DSE: variants seen among roughly 807,000 people sequenced by gnomAD.
DSE encodes the protein dermatan-sulfate epimerase.
A neutral mutation model predicts 84.4 loss-of-function variants in DSE; 36 were observed. The observed-to-expected ratio is 0.43, with a 90% CI of 0.33 to 0.56. The LOEUF (loss-of-function observed/expected upper bound fraction) is 0.56. Ranked by LOEUF, DSE falls within the 20% of genes least tolerant of loss-of-function variation. DSE has a pLI of 0.06. For missense variants in DSE, 862 were observed against 1,169.6 expected (o/e 0.74, Z 3.84); for synonymous variants, 410 against 430.1 (o/e 0.95, Z 0.58).
chr6:116,426,935 A>G, intron 3 of DSE, 108 bp downstream of exon 3: 2 of 1,417,924 alleles, frequency 1.4e-6, no homozygotes, highest in Middle Eastern at 2.2e-4. Context: ...TCATACTTGG[A>G]TCCTAACTAA....
At chr6:116,316,856 C>T (rs372813012) in intron 2 of DSE, among the ~76,000 whole-genome samples, 4 of 94,600 alleles carry the variant, frequency 4.2e-5, no homozygotes, top group Admixed American at 9.4e-5. Flanking sequence ...ATTATTACTG[C>T]TACTACTACT....
At chr6:116,403,929 G>T (rs905770044) in intron 2 of DSE, among the ~76,000 whole-genome samples, 2 of 152,180 alleles carry the variant, frequency 1.3e-5, no homozygotes, top group African/African-American at 4.8e-5. Context: ...ATCCCTCGAT[G>T]GAGGATCTCC....
chr6:116,369,783 T>G, upstream of DSE: 1 of 577,840 alleles, frequency 1.7e-6, no homozygotes, highest in Non-Finnish European at 2.8e-6. Context: ...AAGAGAAGCA[T>G]AAACTGAGAC....
rs144275682 is a variant in DSE at position 116,425,609 on chromosome 6, A to AT, written c.417-962dup. ...GTAATTCTTTTTTTTATTTTATTTT[A>AT]TTTATTTTTATTTTATTTTATTTTT... On this transcript the variant is annotated intron_variant, in intron 2 of 5. Coordinates refer to ENST00000644252, the MANE Select transcript of DSE (RefSeq NM_013352.4). Among the ~76,000 whole-genome samples, 52 of 83,184 alleles carry AT rather than the reference A, an allele frequency of 6.3e-4. 1 individual carries two copies. Among genetic ancestry groups the AT allele is most frequent in the South Asian group, 2.1e-3 (6 of 2,912 alleles). 54.6% of individuals were successfully genotyped at this position (83,184 alleles called of 152,430 possible).
rs1411377709 is a variant in DSE at position 116,438,680 on chromosome 6, A to G, written c.*1335A>G. The stretch of plus-strand genomic sequence containing the variant: ...TCATATATTTCTCCTTTGAAACAAA[A>G]TATGTTCAGCTCAAATTTTACAGTA... On this transcript the variant is annotated 3_prime_UTR_variant, in exon 6 of 6. Coordinates refer to ENST00000644252, the MANE Select transcript of DSE (RefSeq NM_013352.4). The G allele has an allele frequency of 6.6e-6, 1 of 152,204 alleles. No individual in the cohort carries two copies. The highest frequency in any genetic ancestry group is 2.4e-5 in the African/African-American group (1 of 41,464). 9.4% of individuals were successfully genotyped at this position (152,204 alleles called of 1,614,324 possible).
chr6:116,354,439 A>C (rs1778474839), intron 2 of DSE, among the ~76,000 whole-genome samples: 5 of 152,162 alleles, frequency 3.3e-5, no homozygotes, highest in Admixed American at 3.3e-4. Flanking sequence ...AGTTATTTTA[A>C]GGGAGAGTGG....
At chr6:116,353,810 T>C (rs1350118239) in intron 2 of DSE, among the ~76,000 whole-genome samples, 2 of 152,238 alleles carry the variant, frequency 1.3e-5, no homozygotes, top group East Asian at 3.8e-4. Context: ...TGAGAGATTG[T>C]CTATAAAGAT....
In DSE at chr6:116,371,014, G is replaced by A; in HGVS notation, c.-161G>A. 1 of 985,752 alleles carries A rather than the reference G, an allele frequency of 1.0e-6. No individual in the cohort carries two copies. The highest frequency in any genetic ancestry group is 1.2e-6 in the Non-Finnish European group (1 of 830,254). The allele number at this position is 985,752 out of a possible 1,614,324, so 61.1% of individuals were successfully genotyped here. On this transcript the variant is annotated 5_prime_UTR_variant, in exon 1 of 6. Coordinates refer to ENST00000644252, the MANE Select transcript of DSE (RefSeq NM_013352.4). ...GCGCGGCGGGGGCGCGGAGGGCTCG[G>A]TTCGGAGGGGGCCGGGAGCCCGGGC...
At chr6:116,339,487 G>A (rs142842082) in intron 2 of DSE, among the ~76,000 whole-genome samples, 12 of 152,144 alleles carry the variant, frequency 7.9e-5, no homozygotes, top group African/African-American at 2.9e-4. Flanking sequence ...ATATCTTTTT[G>A]TTGTTGTTTT....
chr6:116,382,037 C>CTGTGTATGTGTG (rs1780261812), intron 1 of DSE, among the ~76,000 whole-genome samples: 1 of 144,770 alleles, frequency 6.9e-6, no homozygotes, highest in East Asian at 2.1e-4. Context: ...ACATGGCATT[C>CTGTGTATGTGTG]TGTGTGTGTG....
chr6:116,427,226 AC>A lies in DSE; in HGVS notation c.670+401del, dbSNP rs560323079. On this transcript the variant is annotated intron_variant, in intron 3 of 5. Coordinates refer to ENST00000644252, the MANE Select transcript of DSE (RefSeq NM_013352.4). ...CCAGCACACAGATGTGAATCATAAC[AC>A]CACTACTATTTTTTCCTCTTAATAT... Among the ~76,000 whole-genome samples the A allele has an allele frequency of 1.5e-3, 225 of 152,346 alleles. 1 individual carries two copies. The highest frequency in any genetic ancestry group is 5.1e-3 in the African/African-American group (210 of 41,574).
intron 1 of DSE, among the ~76,000 whole-genome samples, chr6:116,396,432 TTTCTCCTCAGTC>T (rs1781253195): frequency 6.6e-6 from 1 of 152,202 alleles, no homozygotes; most frequent in African/African-American, 2.4e-5. Context: ...GCCACGGTTC[TTTCTCCTCAGTC>T]TTCATAGATG....
chr6:116,315,164 C>T (rs568869447), intron 2 of DSE, among the ~76,000 whole-genome samples: 1 of 152,098 alleles, frequency 6.6e-6, no homozygotes, highest in Non-Finnish European at 1.5e-5. Flanking sequence ...GAAGGAATAG[C>T]CACTAACACT....
rs1283398196 is a variant in DSE, at chr6:116,298,830, A to G, written c.-54+39863A>G. Among the ~76,000 whole-genome samples, 4 of 152,214 alleles carry G rather than the reference A, an allele frequency of 2.6e-5. 1 individual carries two copies. The highest frequency in any genetic ancestry group is 1.9e-4 in the East Asian group (1 of 5,194). On this transcript the variant is annotated intron_variant, in intron 2 of 3. Transcript: ENST00000430252. ...TTTTCTGCATTCTGATAGGTGGGAC[A>G]TGGAAAACGGAGCCATCCTCTTCTA...
At chr6:116,317,639 T>C (rs184841261) in intron 2 of DSE, among the ~76,000 whole-genome samples, 34 of 152,348 alleles carry the variant, frequency 2.2e-4, no homozygotes, top group Admixed American at 1.9e-3. Context: ...CATGTATATG[T>C]ACATACAAAT....
At chr6:116,409,249 T>TTA (rs1782141066) in intron 2 of DSE, among the ~76,000 whole-genome samples, 1 of 152,330 alleles carries the variant, frequency 6.6e-6, no homozygotes, top group Admixed American at 6.5e-5. Context: ...ACATATTCAC[T>TTA]TTATATAAGT....
chr6:116,399,096 A>G, intron 1 of DSE, 102 bp from the exon 2 acceptor site: 1 of 939,084 alleles, frequency 1.1e-6, no homozygotes, highest in Non-Finnish European at 1.5e-6. Context: ...CTAAATTCAT[A>G]AGCTTTATTT....
chr6:116,333,390 G>A (rs2114796881), intron 2 of DSE, among the ~76,000 whole-genome samples: 1 of 152,162 alleles, frequency 6.6e-6, no homozygotes, highest in African/African-American at 2.4e-5. Flanking sequence ...GAGAGTGAGA[G>A]CATGAAACAG....
intron 2 of DSE, among the ~76,000 whole-genome samples, chr6:116,411,062 G>A (rs940056753): frequency 7.2e-5 from 11 of 152,158 alleles, no homozygotes; most frequent in Admixed American, 5.9e-4. Context: ...GTGCCTGTGG[G>A]CCCAAGAGGA....
Sources: gnomAD v4.1 joint callset for allele counts (sites outside exome capture counted in the v4.1 genomes callset) on GRCh38, gnomAD v4.1.1 for gene constraint, MANE v1.5 for transcripts, NCBI Gene and HGNC (gene_info 2026-07-23, HGNC 2026-07-21) for gene names.